The following ATRX variants were observed in gnomAD, a reference collection of about 807,000 sequenced individuals.
ATRX encodes ATRX chromatin remodeler.
A neutral mutation model predicts 172.6 loss-of-function variants in ATRX; 12 were observed. The ratio of observed to expected loss-of-function variants is 0.07; its 90% CI spans 0.04 to 0.11. ATRX has a LOEUF of 0.11. Among genes scored for constraint, ATRX ranks in the 10% least tolerant of loss-of-function variants. ATRX has a pLI of 1.00. For missense variants in ATRX, 1,368 were observed against 1,767.4 expected (o/e 0.77, Z 4.05); for synonymous variants, 674 against 594.7 (o/e 1.13, Z -1.94).
intron 9 of ATRX, among the ~76,000 whole-genome samples, chrX:77,679,805 A>T (rs782360816): frequency 1.8e-5 from 2 of 112,135 alleles, no homozygotes; most frequent in South Asian, 7.3e-4. Flanking sequence ...AGTGACATAT[A>T]ATTTTTAATG....
intron 27 of ATRX, among the ~76,000 whole-genome samples, chrX:77,577,590 G>C (rs1444228729): frequency 9.0e-6 from 1 of 110,526 alleles, no homozygotes; most frequent in African/African-American, 3.3e-5. Flanking sequence ...TAAATTTTAT[G>C]TTATATATAT....
At chrX:77,531,161 A>C (rs1282627320) in intron 30 of ATRX, among the ~76,000 whole-genome samples, 2 of 111,968 alleles carry the variant, frequency 1.8e-5, no homozygotes, top group Admixed American at 1.9e-4. Flanking sequence ...AGCCAAAAAA[A>C]GCCCAGGACC....
At chrX:77,767,840 C>T (rs1377585852) in intron 1 of ATRX, among the ~76,000 whole-genome samples, 2 of 111,922 alleles carry the variant, frequency 1.8e-5, no homozygotes, top group Non-Finnish European at 3.8e-5. Flanking sequence ...TAAGGATTCC[C>T]AACCCCAAAC....
In ATRX at chrX:77,582,409, G is replaced by GA. The variant is rs1157327733; in HGVS notation, c.6217+7424dup. Among the ~76,000 whole-genome samples the GA allele has an allele frequency of 1.3e-3, 108 of 84,385 alleles. 1 individual carries two copies. Among genetic ancestry groups the GA allele is most frequent in the African/African-American group, 1.6e-3 (37 of 23,286 alleles). The allele number at this position is 84,385 out of a possible 115,157, so 73.3% of individuals were successfully genotyped here. A position where few individuals can be genotyped will look rare whatever the true frequency, so the allele number is the denominator to read the frequency against. ...AACGAGACCTTGTCTCAAAAAAAAA[G>GA]AAAAAAAAAACAAAAAAGAAGAGAA... On this transcript the variant is annotated intron_variant, in intron 27 of 34. Coordinates refer to ENST00000373344, the MANE Select transcript of ATRX (RefSeq NM_000489.6).
At chrX:77,724,221 G>T (rs1324854918) in intron 1 of ATRX, among the ~76,000 whole-genome samples, 2 of 109,585 alleles carry the variant, frequency 1.8e-5, no homozygotes, top group Non-Finnish European at 3.8e-5. Flanking sequence ...AGACTGCAGT[G>T]AGCCAAGATC....
intron 22 of ATRX, among the ~76,000 whole-genome samples, chrX:77,602,992 A>C (rs1224014871): frequency 9.0e-6 from 1 of 111,221 alleles, no homozygotes; most frequent in Non-Finnish European, 1.9e-5. Context: ...CAAGCCAACA[A>C]ACCCTTAGCC....
At chrX:77,735,669 G>C (rs1456714522) in intron 1 of ATRX, among the ~76,000 whole-genome samples, 1 of 93,672 alleles carries the variant, frequency 1.1e-5, no homozygotes, top group Non-Finnish European at 2.1e-5. Context: ...GGGCATGGTG[G>C]TGGGCTCTTG....
intron 10 of ATRX, among the ~76,000 whole-genome samples, chrX:77,670,686 C>T (rs961400053): frequency 5.6e-5 from 6 of 106,402 alleles, no homozygotes; most frequent in Non-Finnish European, 9.6e-5. Context: ...ACCCAGGAGG[C>T]GGAGGTTGCA....
chrX:77,547,058 T>C (rs1184031917), intron 30 of ATRX, among the ~76,000 whole-genome samples: 3 of 111,106 alleles, frequency 2.7e-5, no homozygotes, highest in Admixed American at 1.9e-4. Flanking sequence ...CTAGAGAGAA[T>C]AGATATTTTA....
At chrX:77,609,916 A>T (rs2067082455) in intron 22 of ATRX, among the ~76,000 whole-genome samples, 2 of 112,300 alleles carry the variant, frequency 1.8e-5, no homozygotes, top group Non-Finnish European at 3.8e-5. Flanking sequence ...AGAATGAATA[A>T]GAGCTAATAT....
chrX:77,669,325 CCAGA>C (rs782769571), intron 10 of ATRX, among the ~76,000 whole-genome samples: 33 of 101,389 alleles, frequency 3.3e-4, no homozygotes, highest in Non-Finnish European at 1.2e-4. Flanking sequence ...TTTTTTTTTT[CCAGA>C]CAAAGTCTTG....
In ATRX at chrX:77,684,995, C is replaced by T; in HGVS notation, c.606G>A (p.Lys202=). 2 of 1,192,382 alleles carry T rather than the reference C, an allele frequency of 1.7e-6. No homozygotes were observed. The highest frequency in any genetic ancestry group is 2.3e-6 in the Non-Finnish European group (2 of 878,414). Residue 202 remains lysine, a synonymous_variant, in exon 8 of 35, where the codon AAG becomes AAA. Coordinates refer to ENST00000373344, the MANE Select transcript of ATRX (RefSeq NM_000489.6). ...GGCTAATATCATCACTCATGTAATACTTAAAGCAATTCTATTAAAAGAAAA... is the reference window on the plus strand; with the variant it reads ...GGCTAATATCATCACTCATGTAATATTTAAAGCAATTCTATTAAAAGAAAA... ...LQVLICKNCF[K]YYMSDDISRD...
At chrX:77,738,205 C>A (rs1557180081) in intron 1 of ATRX, among the ~76,000 whole-genome samples, 2 of 107,813 alleles carry the variant, frequency 1.9e-5, no homozygotes, top group East Asian at 5.9e-4. Flanking sequence ...TGTGGTGGCA[C>A]GTGCCTGTAG....
chrX:77,716,317 A>ATAT (rs1443099581), intron 2 of ATRX, among the ~76,000 whole-genome samples: 6 of 52,843 alleles, frequency 1.1e-4, no homozygotes, highest in East Asian at 1.1e-3. Context: ...AAAAAAAAAA[A>ATAT]AAAAAAATAT....
intron 27 of ATRX, among the ~76,000 whole-genome samples, chrX:77,582,980 A>G (rs1906487366): frequency 8.9e-6 from 1 of 112,181 alleles, no homozygotes; most frequent in African/African-American, 3.2e-5. Context: ...GAATACTTCC[A>G]AACTCATTTT....
intron 1 of ATRX, among the ~76,000 whole-genome samples, chrX:77,719,186 T>A (rs1220434766): frequency 9.0e-6 from 1 of 111,064 alleles, no homozygotes; most frequent in Non-Finnish European, 1.9e-5. Context: ...GAGAAAACGA[T>A]TTTCAAATCC....
intron 28 of ATRX, among the ~76,000 whole-genome samples, chrX:77,563,954 T>A (rs2065109246): frequency 9.1e-6 from 1 of 110,440 alleles, no homozygotes; most frequent in African/African-American, 3.3e-5. Flanking sequence ...ATTACCAATC[T>A]CCAAGGGCTC....
intron 21 of ATRX, among the ~76,000 whole-genome samples, chrX:77,617,346 C>G (rs1557097401): frequency 9.0e-6 from 1 of 111,143 alleles, no homozygotes; most frequent in African/African-American, 3.3e-5. Flanking sequence ...GTAGTAGCAG[C>G]AATACAGAAA....
intron 10 of ATRX, chrX:77,674,395 A>T (rs1158430198): frequency 9.0e-6 from 1 of 111,478 alleles, no homozygotes; most frequent in Non-Finnish European, 1.9e-5. Flanking sequence ...AATTAAACTG[A>T]GTATAGAAAG....
Sources: gnomAD v4.1 joint callset for allele counts (sites outside exome capture counted in the v4.1 genomes callset) on GRCh38, gnomAD v4.1.1 for gene constraint, MANE v1.5 for transcripts, NCBI Gene and HGNC (gene_info 2026-07-23, HGNC 2026-07-21) for gene names.